Variants in THSD7B observed in about 807,000 individuals in gnomAD.
THSD7B encodes thrombospondin type 1 domain containing 7B.
THSD7B carries 138 observed loss-of-function variants against 213.6 expected under a neutral mutation model. That is an observed-to-expected ratio of 0.65 (90% CI 0.56 to 0.74). The LOEUF (loss-of-function observed/expected upper bound fraction) is 0.74, where lower values mean the gene tolerates loss of function less well. Among genes scored for constraint, THSD7B ranks in the 30% least tolerant of loss-of-function variants. THSD7B has a pLI of 0.00. For synonymous variants in THSD7B, 742 were observed against 687.0 expected, an observed-to-expected ratio of 1.08 and a Z score of -1.25; for missense variants, 1,931 against 1,991.5, an observed-to-expected ratio of 0.97 and a Z score of 0.58.
At chr2:136,865,287 G>C (rs1015328619) in intron 1 of THSD7B, among the ~76,000 whole-genome samples, 2 of 152,222 alleles carry the variant, frequency 1.3e-5, no homozygotes, top group African/African-American at 4.8e-5. Context: ...AAGAGACAAG[G>C]CTTGGAGCTT....
At chr2:137,291,610 G>A (rs529357488) in intron 12 of THSD7B, among the ~76,000 whole-genome samples, 6 of 152,156 alleles carry the variant, frequency 3.9e-5, no homozygotes, top group Middle Eastern at 3.4e-3. Flanking sequence ...GACAAAACAC[G>A]TTTTCTGTGC....
intron 15 of THSD7B, among the ~76,000 whole-genome samples, chr2:137,455,438 C>T (rs1441010499): frequency 2.0e-5 from 3 of 152,144 alleles, no homozygotes; most frequent in Non-Finnish European, 2.9e-5. Context: ...TCTAACACAA[C>T]AATGTAAATG....
intron 7 of THSD7B, among the ~76,000 whole-genome samples, chr2:137,229,469 T>G (rs1221999767): frequency 6.6e-6 from 1 of 152,146 alleles, no homozygotes; most frequent in Non-Finnish European, 1.5e-5. Context: ...GAACGTCTAT[T>G]ACTTCTCATA....
intron 2 of THSD7B, among the ~76,000 whole-genome samples, chr2:136,892,171 C>T (rs2105002828): frequency 6.6e-6 from 1 of 152,168 alleles, no homozygotes; most frequent in East Asian, 1.9e-4. Context: ...CTTAACTAGC[C>T]TGAGGGCCAT....
At chr2:137,186,907 T>G (rs1010087300) in intron 7 of THSD7B, among the ~76,000 whole-genome samples, 1 of 152,174 alleles carries the variant, frequency 6.6e-6, no homozygotes, top group Non-Finnish European at 1.5e-5. Context: ...TAGTTCTTTT[T>G]ATAGAGATCT....
chr2:137,128,516 T>C (rs554964789), intron 5 of THSD7B, among the ~76,000 whole-genome samples: 4 of 152,312 alleles, frequency 2.6e-5, no homozygotes, highest in African/African-American at 9.6e-5. Context: ...TGAAAATTTT[T>C]GTGATATAAC....
chr2:137,561,939 G>C (rs1013510176), intron 15 of THSD7B, among the ~76,000 whole-genome samples: 1 of 151,900 alleles, frequency 6.6e-6, no homozygotes, highest in African/African-American at 2.4e-5. Context: ...ATCTTCTTGT[G>C]AGTTCTAAGT....
chr2:137,558,647 C>T (rs1681038527), intron 15 of THSD7B, among the ~76,000 whole-genome samples: 2 of 152,190 alleles, frequency 1.3e-5, no homozygotes, highest in Non-Finnish European at 2.9e-5. Flanking sequence ...CCTTTGAAAA[C>T]TGGCACAAGA....
chr2:136,890,321 T>C (rs1282790928), intron 2 of THSD7B, among the ~76,000 whole-genome samples: 78 of 2,208 alleles, frequency 0.035, 2 homozygotes, highest in Non-Finnish European at 0.07. Context: ...TTCTTCTTCT[T>C]CTTCTTCTTC....
chr2:137,047,323 C>T (rs994115806), intron 2 of THSD7B, among the ~76,000 whole-genome samples: 1 of 152,198 alleles, frequency 6.6e-6, no homozygotes, highest in Admixed American at 6.5e-5. Context: ...CCATTTGACT[C>T]TACTGGGTAT....
intron 5 of THSD7B, among the ~76,000 whole-genome samples, chr2:137,157,792 T>A (rs1270625968): frequency 4.6e-5 from 7 of 152,226 alleles, no homozygotes. Context: ...AGGGAAGTTA[T>A]GCAGATTAAA....
chr2:136,820,384 C>G (rs955539764), intron 1 of THSD7B, among the ~76,000 whole-genome samples: 3 of 152,192 alleles, frequency 2.0e-5, no homozygotes, highest in Non-Finnish European at 1.5e-5. Flanking sequence ...TGAAACAAAG[C>G]CATATCACCT....
chr2:137,483,909 A>G (rs912774107), intron 15 of THSD7B, among the ~76,000 whole-genome samples: 18 of 152,198 alleles, frequency 1.2e-4, no homozygotes, highest in Non-Finnish European at 2.5e-4. Flanking sequence ...TCAGTTTTCA[A>G]GCTTGGATGG....
chr2:137,515,137 T>A (rs963469663), intron 15 of THSD7B, among the ~76,000 whole-genome samples: 1 of 152,068 alleles, frequency 6.6e-6, no homozygotes, highest in African/African-American at 2.4e-5. Context: ...AGTGAGGACA[T>A]TGACTGGAAA....
intron 2 of THSD7B, among the ~76,000 whole-genome samples, chr2:137,045,827 A>G (rs1282002024): frequency 6.6e-6 from 1 of 152,072 alleles, no homozygotes; most frequent in Non-Finnish European, 1.5e-5. Flanking sequence ...CATGGGCTTT[A>G]TGGAGACTGG....
chr2:137,289,421 T>C (rs528744224), intron 12 of THSD7B, among the ~76,000 whole-genome samples: 3 of 152,152 alleles, frequency 2.0e-5, no homozygotes, highest in Non-Finnish European at 4.4e-5. Context: ...GCCTGTAGAC[T>C]GTTTATCATG....
intron 12 of THSD7B, among the ~76,000 whole-genome samples, chr2:137,309,314 T>A (rs1272088801): frequency 6.6e-6 from 1 of 151,940 alleles, no homozygotes; most frequent in East Asian, 1.9e-4. Context: ...TTATACTGGC[T>A]GTTTGCTTTT....
chr2:137,176,588 G>C (rs1244582177), intron 7 of THSD7B, among the ~76,000 whole-genome samples: 2 of 152,152 alleles, frequency 1.3e-5, no homozygotes, highest in Non-Finnish European at 2.9e-5. Flanking sequence ...ACACACCTTT[G>C]TTTCCTGCCC....
At chr2:137,493,231 G>A (rs1356433590) in intron 15 of THSD7B, among the ~76,000 whole-genome samples, 1 of 150,456 alleles carries the variant, frequency 6.6e-6, no homozygotes, top group East Asian at 2.0e-4. Context: ...AGTATTCCTT[G>A]AATCTTTTCC....
Sources: allele counts gnomAD v4.1 joint callset (sites outside exome capture counted in the v4.1 genomes callset), GRCh38; gene constraint gnomAD v4.1.1; transcripts MANE v1.5; gene names NCBI Gene and HGNC (gene_info 2026-07-23, HGNC 2026-07-21).